The following ERC2 variants were observed in gnomAD, a reference collection of about 807,000 sequenced individuals.
The protein encoded by ERC2 is ELKS/RAB6-interacting/CAST family member 2.
Under a neutral mutation model 114.8 loss-of-function variants are expected in ERC2, and 42 were observed. The observed-to-expected ratio is 0.37, with a 90% CI of 0.29 to 0.47. ERC2 has a LOEUF of 0.47. Among genes scored for constraint, ERC2 ranks in the 20% least tolerant of loss-of-function variants. The probability of loss-of-function intolerance (pLI) is 0.99; values close to 1 mark genes in which losing one functional copy is unlikely to be tolerated. For missense variants in ERC2, 939 were observed against 1,150.7 expected (o/e 0.82, Z 2.66); for synonymous variants, 454 against 425.5 (o/e 1.07, Z -0.82).
chr3:55,952,181 T>A (rs62253712), intron 12 of ERC2, among the ~76,000 whole-genome samples: 1,810 of 49,274 alleles, frequency 0.037, 52 homozygotes, highest in African/African-American at 0.1. Context: ...ACACACACAC[T>A]CTCTCTCTCT....
intron 17 of ERC2, among the ~76,000 whole-genome samples, chr3:55,560,067 G>C (rs374337623): frequency 6.6e-6 from 1 of 152,268 alleles, no homozygotes; most frequent in South Asian, 2.1e-4. Context: ...GCAGTACCAG[G>C]CCCTTCCTAG....
chr3:55,758,786 G>A (rs1269568907), intron 14 of ERC2, among the ~76,000 whole-genome samples: 4 of 152,120 alleles, frequency 2.6e-5, no homozygotes, highest in Non-Finnish European at 4.4e-5. Context: ...ACTGCGTAAC[G>A]TTTTCCAAGA....
chr3:56,443,783 T>C (rs752077406), intron 1 of ERC2, among the ~76,000 whole-genome samples: 1 of 152,050 alleles, frequency 6.6e-6, no homozygotes, highest in South Asian at 2.1e-4. Flanking sequence ...AATGCAATCA[T>C]GTCTTCCATT....
intron 14 of ERC2, among the ~76,000 whole-genome samples, chr3:55,847,456 T>G (rs1423081023): frequency 8.5e-5 from 13 of 152,166 alleles, no homozygotes; most frequent in Non-Finnish European, 1.8e-4. Flanking sequence ...GGAGATACAC[T>G]TGACATCCAT....
At chr3:55,937,842 C>A (rs1328001819) in intron 13 of ERC2, among the ~76,000 whole-genome samples, 2 of 152,098 alleles carry the variant, frequency 1.3e-5, no homozygotes, top group Non-Finnish European at 2.9e-5. Context: ...TGTTTGGGTA[C>A]ATGAGATTAT....
At chr3:55,997,876 TTC>T (rs1284288766) in intron 10 of ERC2, among the ~76,000 whole-genome samples, 1 of 111,338 alleles carries the variant, frequency 9.0e-6, no homozygotes, top group African/African-American at 3.4e-5. Flanking sequence ...TACATCTTAA[TTC>T]TGTTTTTTTT....
chr3:55,625,894 C>T (rs532431465), intron 17 of ERC2, among the ~76,000 whole-genome samples: 8 of 152,312 alleles, frequency 5.3e-5, no homozygotes, highest in African/African-American at 1.9e-4. Flanking sequence ...CTTGAGTTAA[C>T]TCAAGGGGAC....
At chr3:56,220,293 A>G (rs1309398459) in intron 3 of ERC2, among the ~76,000 whole-genome samples, 1 of 152,164 alleles carries the variant, frequency 6.6e-6, no homozygotes, top group East Asian at 1.9e-4. Flanking sequence ...AGATTTTCCA[A>G]TATTCTGATG....
intron 6 of ERC2, among the ~76,000 whole-genome samples, chr3:56,101,026 T>C (rs1040572773): frequency 6.6e-6 from 1 of 152,252 alleles, no homozygotes; most frequent in African/African-American, 2.4e-5. Context: ...ACTACAGTTC[T>C]GAATGGAAAG....
intron 17 of ERC2, among the ~76,000 whole-genome samples, chr3:55,581,107 T>C (rs2057239137): frequency 6.6e-6 from 1 of 152,182 alleles, no homozygotes. Context: ...TAGGGGGCAG[T>C]GCTGGGTGAC....
chr3:55,709,962 A>T (rs943178659), intron 15 of ERC2, among the ~76,000 whole-genome samples: 1 of 152,156 alleles, frequency 6.6e-6, no homozygotes, highest in Non-Finnish European at 1.5e-5. Flanking sequence ...AAATGTAAAC[A>T]TGCTCATTAG....
intron 13 of ERC2, among the ~76,000 whole-genome samples, chr3:55,935,396 G>A (rs893007645): frequency 6.6e-6 from 1 of 152,184 alleles, no homozygotes; most frequent in Admixed American, 6.5e-5. Flanking sequence ...TAGTCCTAGT[G>A]CTTACACAGG....
intron 2 of ERC2, among the ~76,000 whole-genome samples, chr3:56,309,914 T>C (rs2056442839): frequency 6.6e-6 from 1 of 152,190 alleles, no homozygotes; most frequent in Non-Finnish European, 1.5e-5. Flanking sequence ...ACATAAATCT[T>C]TGATTATCAA....
intron 2 of ERC2, among the ~76,000 whole-genome samples, chr3:56,338,953 T>G (rs17825415): frequency 0.31 from 47,472 of 151,940 alleles, 7,565 homozygotes; most frequent in Admixed American, 0.34. Flanking sequence ...ATAAGACAAG[T>G]GCCTGAGAAT....
chr3:56,426,694 G>A (rs572023249), intron 2 of ERC2, among the ~76,000 whole-genome samples: 5 of 152,180 alleles, frequency 3.3e-5, no homozygotes, highest in Non-Finnish European at 7.3e-5. Flanking sequence ...TGAGGAGAAG[G>A]TGGAGACATG....
chr3:55,521,005 G>A (rs957902420), intron 17 of ERC2, among the ~76,000 whole-genome samples: 3 of 152,196 alleles, frequency 2.0e-5, no homozygotes, highest in Non-Finnish European at 4.4e-5. Flanking sequence ...GATATCTCAA[G>A]TTTACTGACC....
chr3:56,013,975 G>A (rs1401351620), intron 8 of ERC2, among the ~76,000 whole-genome samples: 1 of 152,136 alleles, frequency 6.6e-6, no homozygotes, highest in East Asian at 1.9e-4. Context: ...AGAGAACCTT[G>A]CCAGTTCCTA....
chr3:55,772,076 G>T (rs199930237), intron 14 of ERC2, among the ~76,000 whole-genome samples: 2 of 147,310 alleles, frequency 1.4e-5, no homozygotes, highest in East Asian at 4.1e-4. Flanking sequence ...CATGCCCAAA[G>T]GTTAGTATGG....
At chr3:56,438,027 G>T (rs982771575) in intron 1 of ERC2, among the ~76,000 whole-genome samples, 1 of 152,104 alleles carries the variant, frequency 6.6e-6, no homozygotes, top group African/African-American at 2.4e-5. Context: ...CTTTTTATTT[G>T]CATACTCTAA....
Sources: gnomAD v4.1 joint callset for allele counts (sites outside exome capture counted in the v4.1 genomes callset) on GRCh38, gnomAD v4.1.1 for gene constraint, MANE v1.5 for transcripts, NCBI Gene and HGNC (gene_info 2026-07-23, HGNC 2026-07-21) for gene names.